COL28A1: variants seen among roughly 807,000 people sequenced by gnomAD.
The protein encoded by COL28A1 is collagen alpha-1(XXVIII) chain.
In COL28A1, 161 loss-of-function variants were observed where a neutral mutation model predicts 150.2. The ratio of observed to expected loss-of-function variants is 1.07; its 90% CI spans 0.94 to 1.22. The LOEUF (loss-of-function observed/expected upper bound fraction) is 1.22. Among genes scored for constraint, COL28A1 ranks in the 50% most tolerant of loss-of-function variants. The pLI is 0.00. For missense variants in COL28A1, 1,617 were observed against 1,388.3 expected, an observed-to-expected ratio of 1.16 and a Z score of -2.62; for synonymous variants, 552 against 469.7, an observed-to-expected ratio of 1.18 and a Z score of -2.26.
At chr7:7,468,492 G>C in intron 15 of COL28A1, among the ~76,000 whole-genome samples, 1 of 114,182 alleles carries the variant, frequency 8.8e-6, no homozygotes, top group Non-Finnish European at 1.7e-5. Context: ...AAAGAGTCCA[G>C]GACCAGATGG....
chr7:7,444,741 C>T (rs1482834761), intron 18 of COL28A1, among the ~76,000 whole-genome samples: 1 of 152,008 alleles, frequency 6.6e-6, no homozygotes, highest in African/African-American at 2.4e-5. Flanking sequence ...GTGAATGTAA[C>T]CTTAATTGGA....
chr7:7,498,944 A>G (rs1780367629), intron 11 of COL28A1, among the ~76,000 whole-genome samples: 1 of 152,132 alleles, frequency 6.6e-6, no homozygotes, highest in African/African-American at 2.4e-5. Flanking sequence ...TATATACCCC[A>G]TCTGCTGAGA....
At chr7:7,512,776 T>C (rs1037901851) in intron 8 of COL28A1, among the ~76,000 whole-genome samples, 3 of 152,230 alleles carry the variant, frequency 2.0e-5, no homozygotes, top group Non-Finnish European at 4.4e-5. Context: ...CAATTGGATA[T>C]GTCAAATGAT....
At chr7:7,440,097 G>C (rs1785652299) in intron 21 of COL28A1, among the ~76,000 whole-genome samples, 5 of 152,140 alleles carry the variant, frequency 3.3e-5, no homozygotes, top group Admixed American at 3.3e-4. Context: ...GGGTCTCTGA[G>C]GCTAAGTCAG....
At chr7:7,517,992 A>C (rs1206817238) in intron 6 of COL28A1, among the ~76,000 whole-genome samples, 155 bp from the exon 7 acceptor site, 3 of 151,954 alleles carry the variant, frequency 2.0e-5, no homozygotes, top group Non-Finnish European at 4.4e-5. Context: ...CTAGGCAAAA[A>C]AAAAAAAAAA....
rs1396329065 is a variant in COL28A1 at position 7,532,845 on chromosome 7, GGA to G, written c.29_30del (p.Leu10ProfsTer29). The G allele has an allele frequency of 1.2e-6, 2 of 1,611,228 alleles. No individual in the cohort carries two copies. The highest frequency in any genetic ancestry group is 2.7e-5 in the African/African-American group (2 of 74,732). On this transcript the variant is annotated frameshift_variant, in exon 2 of 35. Coordinates refer to ENST00000399429, the MANE Select transcript of COL28A1 (RefSeq NM_001037763.3). LOFTEE classifies it high-confidence loss of function. MWNRYFVFY[L>X]LLLSAFTSQT... ...TGACTCGTAAACGCTGACAAAAGCA[GGA>G]GATAGAAGACAAAATATCTGTTCCA... is the stretch of plus-strand genomic sequence containing the variant.
chr7:7,431,662 C>G, intron 25 of COL28A1: 1 of 470,384 alleles, frequency 2.1e-6, no homozygotes, highest in South Asian at 1.6e-5. Flanking sequence ...AGAGAAGCCA[C>G]CAGGGTGTTT....
intron 25 of COL28A1, among the ~76,000 whole-genome samples, chr7:7,427,872 A>C (rs1395425465): frequency 6.6e-6 from 1 of 152,240 alleles, no homozygotes; most frequent in Non-Finnish European, 1.5e-5. Flanking sequence ...TAGAAGACGG[A>C]CAGCATAGGA....
the COL28A1 span, among the ~76,000 whole-genome samples, chr7:7,349,588 G>A: frequency 6.6e-6 from 1 of 152,174 alleles, no homozygotes; most frequent in East Asian, 1.9e-4. Flanking sequence ...CGTCCATCCT[G>A]GAAAACTGCC....
At chr7:7,491,526 A>C (rs187823936) in intron 11 of COL28A1, among the ~76,000 whole-genome samples, 6 of 152,364 alleles carry the variant, frequency 3.9e-5, no homozygotes, top group Non-Finnish European at 8.8e-5. Flanking sequence ...CTCATGATTT[A>C]AGCCACTATT....
Position 7,531,824 on chromosome 7 carries a change from C to A in COL28A1, c.205G>T (p.Asp69Tyr). ...SKIALFDKQK[D>Y]FVDSLSDKIF... is the part of the protein sequence containing the mutation. The stretch of plus-strand genomic sequence containing the variant: ...TTGTCACTCAAGCTATCCACAAAAT[C>A]TTTCTGTTTATCAAAGAGGGCAATT... The change falls in exon 3 of 35, where the codon GAT (aspartate) becomes TAT (tyrosine). Residue 69 changes from aspartate (D) to tyrosine (Y), a missense_variant. Asp to Tyr is a radical substitution (Grantham distance 160). Transcript: ENST00000399429. 6.2e-7 allele frequency: 1 copy of A among 1,606,144 alleles called. No individual in the cohort carries two copies. The highest frequency in any genetic ancestry group is 8.5e-7 in the Non-Finnish European group (1 of 1,172,766).
chr7:7,444,224 G>C (rs1216206087), intron 19 of COL28A1, among the ~76,000 whole-genome samples, 194 bp downstream of exon 19: 1 of 152,098 alleles, frequency 6.6e-6, no homozygotes, highest in Non-Finnish European at 1.5e-5. Flanking sequence ...GAGGATGTGA[G>C]ACACTATCTC....
chr7:7,419,298 A>T (rs1472465023), intron 26 of COL28A1, among the ~76,000 whole-genome samples: 5 of 152,202 alleles, frequency 3.3e-5, no homozygotes, highest in Admixed American at 3.3e-4. Context: ...TACAACCAAA[A>T]AATGTCCCTA....
intron 25 of COL28A1, among the ~76,000 whole-genome samples, chr7:7,428,873 G>T (rs1226762124): frequency 1.3e-5 from 2 of 152,140 alleles, no homozygotes; most frequent in Non-Finnish European, 2.9e-5. Flanking sequence ...TAAATTCAAG[G>T]TAATTGTATC....
chr7:7,498,833 C>G (rs1020261476), intron 11 of COL28A1, among the ~76,000 whole-genome samples: 1 of 152,048 alleles, frequency 6.6e-6, no homozygotes, highest in African/African-American at 2.4e-5. Flanking sequence ...TAAACTCAGC[C>G]ACTTTGTGGG....
At chr7:7,437,000 T>C (rs185709425) in intron 22 of COL28A1, among the ~76,000 whole-genome samples, 1 of 152,160 alleles carries the variant, frequency 6.6e-6, no homozygotes, top group Non-Finnish European at 1.5e-5. Flanking sequence ...ATCGCAGCAC[T>C]GCACTCCAGC....
intron 27 of COL28A1, among the ~76,000 whole-genome samples, chr7:7,400,989 T>TGTGG (rs1783159157): frequency 6.9e-6 from 1 of 144,132 alleles, no homozygotes. Flanking sequence ...TGTGTGTGTG[T>TGTGG]GTGTGTGTGT....
At position 7,531,775 on chromosome 7, in the gene COL28A1, C is replaced by T. The variant is rs533272857; in HGVS notation, c.254G>A (p.Arg85His). The change falls in exon 3 of 35, where the codon CGC becomes CAC. Residue 85 changes from arginine (R) to histidine (H), a missense_variant. Physicochemically the swap from Arg to His is conservative, Grantham distance 29 (BLOSUM62 0). Transcript: ENST00000399429. Reference protein sequence around the residue: ...SDKIFQLTPGRSLEYDIKLAA... With the variant: ...SDKIFQLTPGHSLEYDIKLAA... Reference sequence around the variant, plus strand: ...CAGTTTGATGTCATATTCCAAGGAGCGACCAGGAGTCAATTGGAAAATCTT... The same window carrying T: ...CAGTTTGATGTCATATTCCAAGGAGTGACCAGGAGTCAATTGGAAAATCTT... The T allele has an allele frequency of 1.7e-5, 28 of 1,605,762 alleles. No individual in the cohort carries two copies. The highest frequency in any genetic ancestry group is 1.7e-4 in the Middle Eastern group (1 of 6,054).
chr7:7,481,094 G>A (rs1295638261), intron 13 of COL28A1, among the ~76,000 whole-genome samples: 4 of 152,170 alleles, frequency 2.6e-5, no homozygotes, highest in Admixed American at 2.0e-4. Context: ...ACAAATAAAA[G>A]CAGTCTCTGA....
Sources: allele counts gnomAD v4.1 joint callset (sites outside exome capture counted in the v4.1 genomes callset), GRCh38; gene constraint gnomAD v4.1.1; transcripts MANE v1.5; gene names NCBI Gene and HGNC (gene_info 2026-07-23, HGNC 2026-07-21).